Variants in AP5S1 observed in about 807,000 individuals in gnomAD.
The protein encoded by AP5S1 is AP-5 complex subunit sigma-1.
In AP5S1, 13 loss-of-function variants were observed where a neutral mutation model predicts 13.9. The observed-to-expected ratio is 0.94, with a 90% CI of 0.61 to 1.49. AP5S1 has a LOEUF of 1.49. Ranked by LOEUF, AP5S1 falls within the 40% of genes most tolerant of loss-of-function variation. The pLI is 0.00. For synonymous variants in AP5S1, 132 were observed against 121.8 expected, an observed-to-expected ratio of 1.08 and a Z score of -0.55; for missense variants, 292 against 272.3, an observed-to-expected ratio of 1.07 and a Z score of -0.51.
chr20:3,826,193 A>G lies in AP5S1; in HGVS notation c.*1896A>G, dbSNP rs2089623673. 6.6e-6 allele frequency: 1 copy of G among 152,278 alleles called. No individual in the cohort carries two copies. Among genetic ancestry groups the G allele is most frequent in the African/African-American group, 2.4e-5 (1 of 41,456 alleles). 9.4% of individuals were successfully genotyped at this position (152,278 alleles called of 1,614,324 possible). A position where few individuals can be genotyped will look rare whatever the true frequency, so the allele number is the denominator to read the frequency against. On this transcript the variant is annotated 3_prime_UTR_variant, in exon 3 of 3. Transcript: ENST00000615891. Reference sequence around the variant, plus strand: ...AAGTCCATGGCCAAGGCCACCAGCCATGCCAGGCCTTCTACCACCACTGTC... The same window carrying G: ...AAGTCCATGGCCAAGGCCACCAGCCGTGCCAGGCCTTCTACCACCACTGTC...
intron 1 of AP5S1, among the ~76,000 whole-genome samples, chr20:3,821,406 T>A (rs1366955725): frequency 6.6e-6 from 1 of 152,114 alleles, no homozygotes; most frequent in East Asian, 1.9e-4. Flanking sequence ...AGAGTTTCCC[T>A]CTGTCGCCCA....
Position 3,826,335 on chromosome 20 carries a change from T to G in AP5S1, c.*2038T>G, listed in dbSNP as rs763875808. 4 of 152,190 alleles carry G rather than the reference T, an allele frequency of 2.6e-5. No individual in the cohort carries two copies. Among genetic ancestry groups the G allele is most frequent in the African/African-American group, 4.8e-5 (2 of 41,442 alleles). 9.4% of individuals were successfully genotyped at this position (152,190 alleles called of 1,614,324 possible). ...TGGCCAAGTCCCACCAGTGGAAATGTCCCACAGGCCTCTAGTAGGGACACC... is the reference window on the plus strand; with the variant it reads ...TGGCCAAGTCCCACCAGTGGAAATGGCCCACAGGCCTCTAGTAGGGACACC... On this transcript the variant is annotated 3_prime_UTR_variant, in exon 3 of 3. Coordinates refer to ENST00000615891, the MANE Select transcript of AP5S1 (RefSeq NM_018347.3).
In AP5S1 at chr20:3,825,797, A is replaced by G. The variant is rs1600428386; in HGVS notation, c.*1500A>G. On this transcript the variant is annotated 3_prime_UTR_variant, in exon 3 of 3. Coordinates refer to ENST00000615891, the MANE Select transcript of AP5S1 (RefSeq NM_018347.3). ...GTTACAGGTTGATCCCAGGGTGCAT[A>G]CATTCCCTGGCTCTTTCTGCCCCTG... The G allele has an allele frequency of 6.6e-6, 1 of 151,794 alleles. No homozygotes were observed. Among genetic ancestry groups the G allele is most frequent in the Non-Finnish European group, 1.5e-5 (1 of 68,004 alleles). 9.4% of individuals were successfully genotyped at this position (151,794 alleles called of 1,614,324 possible).
At chr20:3,822,457 C>T (rs151130270) in intron 2 of AP5S1, among the ~76,000 whole-genome samples, 164 bp downstream of exon 2, 1 of 152,062 alleles carries the variant, frequency 6.6e-6, no homozygotes, top group East Asian at 1.9e-4. Flanking sequence ...ATAAGTGTTA[C>T]GTGAAAAGGG....
intron 2 of AP5S1, among the ~76,000 whole-genome samples, chr20:3,823,213 C>T (rs767316828): frequency 5.9e-5 from 9 of 152,106 alleles, no homozygotes; most frequent in Non-Finnish European, 1.2e-4. Flanking sequence ...GGAGATTGGA[C>T]TGCCCACGTT....
In AP5S1 at chr20:3,822,205, G is replaced by A. The variant is rs373196762; in HGVS notation, c.88G>A (p.Gly30Ser). ...CCGAGTGCTGTACTCCTGCGTCTTC[G>A]GTGCTGAGAAGTCACCTGATGACCC... is the stretch of plus-strand genomic sequence containing the variant. ...LCRVLYSCVFGAEKSPDDPRP... is the reference protein window; with the variant it reads ...LCRVLYSCVFSAEKSPDDPRP... Residue 30 changes from glycine (G) to serine (S), a missense_variant, in exon 2 of 3, where the codon GGT (glycine) becomes AGT (serine). Coordinates refer to ENST00000615891, the MANE Select transcript of AP5S1 (RefSeq NM_018347.3). 1.9e-5 allele frequency: 31 copies of A among 1,614,004 alleles called. No homozygotes were observed. The highest frequency in any genetic ancestry group is 1.2e-4 in the Admixed American group (7 of 59,980).
chr20:3,823,950 G>A lies in AP5S1; in HGVS notation c.256G>A (p.Glu86Lys). Residue 86 changes from glutamate (E) to lysine (K), a missense_variant, in exon 3 of 3, where the codon GAG (glutamate) becomes AAG (lysine). Coordinates refer to ENST00000615891, the MANE Select transcript of AP5S1 (RefSeq NM_018347.3). ...PMDLQPQSSD[E>K]QVPLHEAPRG... ...GGACCTGCAGCCGCAATCCTCAGAT[G>A]AGCAAGTGCCGCTGCACGAGGCCCC... 1 of 1,608,608 alleles carries A rather than the reference G, an allele frequency of 6.2e-7. No homozygotes were observed. Among genetic ancestry groups the A allele is most frequent in the Non-Finnish European group, 8.5e-7 (1 of 1,180,004 alleles).
chr20:3,828,125 A>G lies in AP5S1; in HGVS notation c.*3828A>G, dbSNP rs1195810466. 6.6e-6 allele frequency: 1 copy of G among 152,188 alleles called. No individual in the cohort carries two copies. The highest frequency in any genetic ancestry group is 2.4e-5 in the African/African-American group (1 of 41,434). 9.4% of individuals were successfully genotyped at this position (152,188 alleles called of 1,614,324 possible). On this transcript the variant is annotated 3_prime_UTR_variant, in exon 3 of 3. Transcript: ENST00000615891. ...TGTAATGCAGTTAACCGTGTTTGTCAGATTCAATACTCTGTGACCCGTTAA... is the reference window on the plus strand; with the variant it reads ...TGTAATGCAGTTAACCGTGTTTGTCGGATTCAATACTCTGTGACCCGTTAA...
rs2089632580 is a variant in AP5S1 at position 3,827,698 on chromosome 20, T to C, written c.*3401T>C. On this transcript the variant is annotated 3_prime_UTR_variant, in exon 3 of 3. Coordinates refer to ENST00000615891, the MANE Select transcript of AP5S1 (RefSeq NM_018347.3). ...TCTCCTTTAGGGCAGGGTGTTTTTT[T>C]CTAGCCCTGTGGTGCTGCGCACTGT... The C allele has an allele frequency of 6.6e-6, 1 of 152,226 alleles. No individual in the cohort carries two copies. Among genetic ancestry groups the C allele is most frequent in the Admixed American group, 6.5e-5 (1 of 15,268 alleles). The allele number at this position is 152,226 out of a possible 1,614,324, so 9.4% of individuals were successfully genotyped here.
chr20:3,827,616 G>A lies in AP5S1; in HGVS notation c.*3319G>A, dbSNP rs377343552. The stretch of plus-strand genomic sequence containing the variant: ...CTGGCCTGCATGTATGTGGGTCACT[G>A]ATTGGGTCACATACACTGCATGTAT... On this transcript the variant is annotated 3_prime_UTR_variant, in exon 3 of 3. Transcript: ENST00000615891. 1.6e-4 allele frequency: 25 copies of A among 152,312 alleles called. No individual in the cohort carries two copies. The East Asian group carries it at 4.6e-3, about 28-fold the overall frequency. The allele number at this position is 152,312 out of a possible 1,614,324, so 9.4% of individuals were successfully genotyped here. A position where few individuals can be genotyped will look rare whatever the true frequency, so the allele number is the denominator to read the frequency against.
intron 1 of AP5S1, among the ~76,000 whole-genome samples, chr20:3,821,501 A>T (rs908377790): frequency 1.3e-5 from 2 of 151,842 alleles, no homozygotes; most frequent in Non-Finnish European, 2.9e-5. Flanking sequence ...CCTCTCAAGT[A>T]GCTGGGGTTA....
At chr20:3,822,767 G>T (rs772595691) in intron 2 of AP5S1, among the ~76,000 whole-genome samples, 7 of 152,176 alleles carry the variant, frequency 4.6e-5, no homozygotes, top group Non-Finnish European at 8.8e-5. Flanking sequence ...GTACTTAACA[G>T]GGCCTTTAGT....
chr20:3,824,565 A>G lies in AP5S1; in HGVS notation c.*268A>G. ...GGCAGCCACGCTTGTCCTTGAACCC[A>G]CCTTCCTCCATCCCTGCCAGCCGAT... On this transcript the variant is annotated 3_prime_UTR_variant, in exon 3 of 3. Transcript: ENST00000615891. 1 of 486,604 alleles carries G rather than the reference A, an allele frequency of 2.1e-6. No homozygotes were observed. Among genetic ancestry groups the G allele is most frequent in the South Asian group, 2.6e-5 (1 of 38,598 alleles). The allele number at this position is 486,604 out of a possible 1,614,324, so 30.1% of individuals were successfully genotyped here.
Position 3,825,236 on chromosome 20 carries a change from T to C in AP5S1, c.*939T>C, listed in dbSNP as rs1568524130. 1 of 152,220 alleles carries C rather than the reference T, an allele frequency of 6.6e-6. No homozygotes were observed. Among genetic ancestry groups the C allele is most frequent in the African/African-American group, 2.4e-5 (1 of 41,450 alleles). The allele number at this position is 152,220 out of a possible 1,614,324, so 9.4% of individuals were successfully genotyped here. ...GGGAGAGAAGTTGCTGTCAGATGAA[T>C]GTGAGCAGTCTAGCCTGGATGACAT... On this transcript the variant is annotated 3_prime_UTR_variant, in exon 3 of 3. Transcript: ENST00000615891.
In AP5S1 at chr20:3,823,912, G is replaced by T; in HGVS notation, c.218G>T (p.Gly73Val). 6.2e-7 allele frequency: 1 copy of T among 1,603,262 alleles called. No homozygotes were observed. The highest frequency in any genetic ancestry group is 8.5e-7 in the Non-Finnish European group (1 of 1,179,608). Residue 73 changes from glycine (G) to valine (V), a missense_variant, in exon 3 of 3, where the codon GGC (glycine) becomes GTC (valine). Coordinates refer to ENST00000615891, the MANE Select transcript of AP5S1 (RefSeq NM_018347.3). ...TGTCGGCTGCAGCAGCAGGCATCTG[G>T]CCGGCCCCCCATGGACCTGCAGCCG... The part of the protein sequence containing the change: ...SMCRLQQQAS[G>V]RPPMDLQPQS...
chr20:3,823,472 C>T (rs901766510), intron 2 of AP5S1: 16 of 866,840 alleles, frequency 1.8e-5, no homozygotes, highest in South Asian at 1.1e-4. Context: ...AGGATGGTCT[C>T]GATCTCCTGA....
Position 3,827,753 on chromosome 20 carries a change from TTTTC to T in AP5S1, c.*3460_*3463del, listed in dbSNP as rs1305838027. On this transcript the variant is annotated 3_prime_UTR_variant, in exon 3 of 3. Coordinates refer to ENST00000615891, the MANE Select transcript of AP5S1 (RefSeq NM_018347.3). ...CATCCCCCCAGGGCTCAATGTTTTC[TTTTC>T]TTTTTCTTTTTTTTTTTTTTTTGAG... The T allele has an allele frequency of 6.6e-6, 1 of 150,544 alleles. No homozygotes were observed. Among genetic ancestry groups the T allele is most frequent in the African/African-American group, 2.5e-5 (1 of 40,652 alleles). The allele number at this position is 150,544 out of a possible 1,614,324, so 9.3% of individuals were successfully genotyped here. A position where few individuals can be genotyped will look rare whatever the true frequency, so the allele number is the denominator to read the frequency against.
At position 3,825,653 on chromosome 20, in the gene AP5S1, T is replaced by A. The variant is rs999955534; in HGVS notation, c.*1356T>A. On this transcript the variant is annotated 3_prime_UTR_variant, in exon 3 of 3. Transcript: ENST00000615891. Reference sequence around the variant, plus strand: ...AGTCCTCGTGAATGCTTGTCAAGCCTATTAGGACTGTGGTAGGGAGCTGAG... The same window carrying A: ...AGTCCTCGTGAATGCTTGTCAAGCCAATTAGGACTGTGGTAGGGAGCTGAG... The A allele has an allele frequency of 6.6e-6, 1 of 152,056 alleles. No homozygotes were observed. Among genetic ancestry groups the A allele is most frequent in the Admixed American group, 6.6e-5 (1 of 15,242 alleles). 9.4% of individuals were successfully genotyped at this position (152,056 alleles called of 1,614,324 possible). A position where few individuals can be genotyped will look rare whatever the true frequency, so the allele number is the denominator to read the frequency against.
chr20:3,822,201 C>T lies in AP5S1; in HGVS notation c.84C>T (p.Val28=). ...TTTGCCGAGTGCTGTACTCCTGCGT[C>T]TTCGGTGCTGAGAAGTCACCTGATG... The part of the protein sequence containing the change: ...TGLCRVLYSC[V]FGAEKSPDDP... The change falls in exon 2 of 3, where the codon GTC becomes GTT. Residue 28 remains valine, a synonymous_variant. Transcript: ENST00000615891. 2.5e-6 allele frequency: 4 copies of T among 1,614,198 alleles called. No homozygotes were observed. The highest frequency in any genetic ancestry group is 3.4e-6 in the Non-Finnish European group (4 of 1,180,038).
Sources: gnomAD v4.1 joint callset for allele counts (sites outside exome capture counted in the v4.1 genomes callset) on GRCh38, gnomAD v4.1.1 for gene constraint, MANE v1.5 for transcripts, NCBI Gene and HGNC (gene_info 2026-07-23, HGNC 2026-07-21) for gene names.